The following NEDD4 variants were observed in gnomAD, a reference collection of about 807,000 sequenced individuals.
NEDD4 encodes NEDD4 E3 ubiquitin protein ligase, also known as E3 ubiquitin-protein ligase NEDD4.
NEDD4 carries 99 observed loss-of-function variants against 144.9 expected under a neutral mutation model. That is an observed-to-expected ratio of 0.68 (90% confidence interval 0.58 to 0.81). NEDD4 has a LOEUF of 0.81. Among genes scored for constraint, NEDD4 ranks in the 30% least tolerant of loss-of-function variants. NEDD4 has a pLI of 0.00. For missense variants in NEDD4, 985 were observed against 1,065.9 expected, an observed-to-expected ratio of 0.92 and a Z score of 1.06; for synonymous variants, 318 against 350.6, an observed-to-expected ratio of 0.91 and a Z score of 1.04.
At chr15:55,958,843 T>C (rs541527879) in intron 2 of NEDD4, among the ~76,000 whole-genome samples, 24 of 151,308 alleles carry the variant, frequency 1.6e-4, no homozygotes, top group African/African-American at 5.1e-4. Flanking sequence ...TCTTTTTCAT[T>C]TCCACAGGGT....
intron 1 of NEDD4, among the ~76,000 whole-genome samples, chr15:55,986,994 G>A (rs1233935857): frequency 6.6e-6 from 1 of 150,464 alleles, no homozygotes; most frequent in African/African-American, 2.5e-5. Flanking sequence ...CCCAGTAATG[G>A]GATGGCTGGG....
intron 5 of NEDD4, among the ~76,000 whole-genome samples, chr15:55,911,664 G>A (rs995940998): frequency 6.6e-6 from 1 of 151,820 alleles, no homozygotes; most frequent in Non-Finnish European, 1.5e-5. Context: ...CGTGTAGCTG[G>A]GACTACAGGC....
At chr15:55,916,985 A>G (rs1441527702) in intron 5 of NEDD4, 1 of 1,364,258 alleles carries the variant, frequency 7.3e-7, no homozygotes, top group Non-Finnish European at 9.4e-7. Context: ...TAAGTAAAAC[A>G]TTAGATACCA....
chr15:55,838,710 C>T (rs2033328351), intron 21 of NEDD4, 106 bp from the exon 22 acceptor site: 6 of 690,072 alleles, frequency 8.7e-6, no homozygotes, highest in South Asian at 1.8e-5. Context: ...GATGAGAGGT[C>T]AGATGGACAT....
At chr15:55,935,845 CAA>C (rs35215537) in intron 4 of NEDD4, among the ~76,000 whole-genome samples, 33 of 78,246 alleles carry the variant, frequency 4.2e-4, no homozygotes, top group African/African-American at 3.7e-4. Flanking sequence ...GACTCTGTTT[CAA>C]AAAAAAAAAA....
At chr15:55,892,781 T>A (rs1180027642) in intron 5 of NEDD4, among the ~76,000 whole-genome samples, 1 of 152,162 alleles carries the variant, frequency 6.6e-6, no homozygotes, top group Admixed American at 6.5e-5. Flanking sequence ...TTCAACATTA[T>A]CTTTCATACT....
chr15:55,900,177 C>A (rs1358161089), intron 5 of NEDD4, among the ~76,000 whole-genome samples: 1 of 151,942 alleles, frequency 6.6e-6, no homozygotes, highest in African/African-American at 2.4e-5. Context: ...GGAGGAGGAA[C>A]CAGAGCCCAG....
rs1035893568 is a variant in NEDD4, at chr15:55,971,313, G to A, written c.46-4767C>T. ...GCATGCCTACAGGATCTAGAAAATA[G>A]CCTCAAAAGGGCAAAGTTAACAGTT... is the stretch of plus-strand genomic sequence containing the variant. On this transcript the variant is annotated intron_variant, in intron 1 of 28. Coordinates refer to ENST00000435532, the MANE Select transcript of NEDD4 (RefSeq NM_006154.4). Among the ~76,000 whole-genome samples the A allele has an allele frequency of 2.0e-5, 3 of 152,038 alleles. No individual in the cohort carries two copies. In the South Asian group the frequency reaches 6.2e-4, roughly 32 times the overall value.
At chr15:55,868,437 G>A (rs182098183) in intron 8 of NEDD4, among the ~76,000 whole-genome samples, 3 of 152,238 alleles carry the variant, frequency 2.0e-5, no homozygotes, top group Non-Finnish European at 2.9e-5. Flanking sequence ...TAATCCCCTC[G>A]TGTCGTGGTA....
intron 9 of NEDD4, among the ~76,000 whole-genome samples, chr15:55,862,330 T>C (rs2034438183): frequency 6.6e-6 from 1 of 151,948 alleles, no homozygotes; most frequent in Non-Finnish European, 1.5e-5. Flanking sequence ...AGAATAAATA[T>C]GAATAATGGG....
At chr15:55,951,302 G>T in intron 4 of NEDD4, 74 bp downstream of exon 4, 2 of 645,420 alleles carry the variant, frequency 3.1e-6, no homozygotes, top group East Asian at 3.6e-5. Context: ...TATTAAAAAT[G>T]AGAATTTATC....
chr15:55,868,469 G>A (rs2034662203), intron 8 of NEDD4, among the ~76,000 whole-genome samples: 1 of 152,142 alleles, frequency 6.6e-6, no homozygotes. Context: ...AGAGGTAACT[G>A]AATCATGAGA....
intron 5 of NEDD4, among the ~76,000 whole-genome samples, chr15:55,892,696 G>A (rs2035610562): frequency 6.6e-6 from 1 of 152,108 alleles, no homozygotes; most frequent in Non-Finnish European, 1.5e-5. Context: ...AAAGGTGATA[G>A]CTGTTTTATT....
At chr15:55,892,498 C>T (rs2035603324) in intron 5 of NEDD4, among the ~76,000 whole-genome samples, 1 of 151,572 alleles carries the variant, frequency 6.6e-6, no homozygotes, top group Admixed American at 6.6e-5. Context: ...AATTTTATAC[C>T]TGAATATTAG....
intron 5 of NEDD4, among the ~76,000 whole-genome samples, chr15:55,891,388 T>C (rs2035567491): frequency 6.6e-6 from 1 of 152,220 alleles, no homozygotes; most frequent in Non-Finnish European, 1.5e-5. Flanking sequence ...TTAGAGGTTC[T>C]TTTTCCATTT....
rs115739669 is a variant in NEDD4 at position 55,936,125 on chromosome 15, T to C, written c.238-11426A>G. On this transcript the variant is annotated intron_variant, in intron 4 of 28. Transcript: ENST00000435532. The stretch of plus-strand genomic sequence containing the variant: ...TTGAAGCTAAAAGCATCCTAAATGA[T>C]ACACTTTGTCAGAGGGGTCCCTCCT... 9.2e-3 allele frequency among the ~76,000 whole-genome samples: 1,399 copies of C among 152,310 alleles called. 10 individuals are homozygous for C. The highest frequency in any genetic ancestry group is 0.03 in the African/African-American group (1,227 of 41,564).
chr15:55,919,185 T>A (rs1595845117), intron 5 of NEDD4, among the ~76,000 whole-genome samples: 1 of 152,188 alleles, frequency 6.6e-6, no homozygotes, highest in South Asian at 2.1e-4. Context: ...CCTGAGCTCA[T>A]CCTGGGCTCA....
intron 4 of NEDD4, among the ~76,000 whole-genome samples, chr15:55,933,528 G>A (rs1305379819): frequency 8.7e-5 from 11 of 126,960 alleles, no homozygotes; most frequent in African/African-American, 3.3e-4. Flanking sequence ...GGGGCCTGTC[G>A]TGGGGTGGGG....
At chr15:55,897,820 G>A (rs1459131756) in intron 5 of NEDD4, among the ~76,000 whole-genome samples, 3 of 152,136 alleles carry the variant, frequency 2.0e-5, no homozygotes, top group Admixed American at 6.5e-5. Context: ...TCTTCCTTAC[G>A]AAGGGGTGAT....
Sources: gnomAD v4.1 joint callset for allele counts (sites outside exome capture counted in the v4.1 genomes callset) on GRCh38, gnomAD v4.1.1 for gene constraint, MANE v1.5 for transcripts, NCBI Gene and HGNC (gene_info 2026-07-23, HGNC 2026-07-21) for gene names.